The following DNAH2 variants were observed in gnomAD, a reference collection of about 807,000 sequenced individuals.
DNAH2 encodes axonemal beta dynein heavy chain 2.
Under a neutral mutation model 523.5 loss-of-function variants are expected in DNAH2, and 323 were observed. The ratio of observed to expected loss-of-function variants is 0.62; its 90% CI spans 0.56 to 0.68. The LOEUF is 0.68. DNAH2 is among the 30% of genes least tolerant of loss of function. DNAH2 has a pLI of 0.00. For synonymous variants in DNAH2, 2,093 were observed against 2,177.4 expected, an observed-to-expected ratio of 0.96 and a Z score of 1.08; for missense variants, 4,907 against 5,701.5, an observed-to-expected ratio of 0.86 and a Z score of 4.49.
rs367728459 is a variant in DNAH2 at position 7,768,764 on chromosome 17, C to G, written c.3941+497C>G. The stretch of plus-strand genomic sequence containing the variant: ...CTTCTGTGAGTTCAACCTGTTCAGA[C>G]TTTACATATGACATATGAGTGCGAT... On this transcript the variant is annotated intron_variant, in intron 24 of 85. Transcript: ENST00000572933. 3.3e-5 allele frequency among the ~76,000 whole-genome samples: 5 copies of G among 152,322 alleles called. No homozygotes were observed. The East Asian group carries it at 9.6e-4, about 29-fold the overall frequency.
rs775438707 is a variant in DNAH2 at position 7,771,340 on chromosome 17, T to C, written c.4373T>C (p.Leu1458Pro). Residue 1458 changes from leucine to proline, a missense_variant, in exon 28 of 86, where the codon CTA (leucine) becomes CCA (proline). Leu to Pro is a moderately conservative substitution (Grantham distance 98). Coordinates refer to ENST00000572933, the MANE Select transcript of DNAH2 (RefSeq NM_020877.5). ...TTTTGGCCCCCTCAGAATATCTTCC[T>C]AGGAGAAGACATCCGCAAGCAGCTG... ...RQWMYLENIF[L>P]GEDIRKQLPN... 1 of 1,614,112 alleles carries C rather than the reference T, an allele frequency of 6.2e-7. No homozygotes were observed. Among genetic ancestry groups the C allele is most frequent in the Non-Finnish European group, 8.5e-7 (1 of 1,180,020 alleles).
At chr17:7,824,406 C>T (rs2077961105) in intron 76 of DNAH2, 102 bp downstream of exon 76, 2 of 1,437,888 alleles carry the variant, frequency 1.4e-6, no homozygotes, top group Non-Finnish European at 1.8e-6. Flanking sequence ...CCCACTTCTA[C>T]AGAGGGCCCC....
chr17:7,816,717 A>T lies in DNAH2; in HGVS notation c.9876A>T (p.Arg3292Ser). The T allele has an allele frequency of 6.2e-7, 1 of 1,613,898 alleles. No individual in the cohort carries two copies. Among genetic ancestry groups the T allele is most frequent in the Non-Finnish European group, 8.5e-7 (1 of 1,180,020 alleles). The change falls in exon 64 of 86, where the codon AGA becomes AGT. Residue 3292 changes from arginine (R) to serine (S), a missense_variant. Coordinates refer to ENST00000572933, the MANE Select transcript of DNAH2 (RefSeq NM_020877.5). ...CGGGGTTGGCTGGCGAGAAGGCCAG[A>T]TGGGAGGAGACAGTCCAGGTGAGAT... is the stretch of plus-strand genomic sequence containing the variant. ...LVSGLAGEKA[R>S]WEETVQGLEE...
chr17:7,827,548 C>T (rs563684169), intron 77 of DNAH2, among the ~76,000 whole-genome samples: 10 of 152,012 alleles, frequency 6.6e-5, no homozygotes, highest in Non-Finnish European at 1.5e-4. Flanking sequence ...CAGGTTCAAG[C>T]GATTCTCCTG....
Position 7,801,911 on chromosome 17 carries a change from A to G in DNAH2, c.8866A>G (p.Met2956Val), listed in dbSNP as rs781016420. Reference protein sequence around the residue: ...HRKVAQIFVTMHWSVAQYSQK... With the variant: ...HRKVAQIFVTVHWSVAQYSQK... ...GAAGGTGGCCCAGATCTTTGTCACT[A>G]TGCACTGGTCAGTAGCTCAGTATTC... Residue 2956 changes from methionine to valine, a missense_variant, in exon 58 of 86, where the codon ATG becomes GTG. Met to Val is a conservative substitution (Grantham distance 21). This residue lies in a region of DNAH2 where 1,851 missense variants were observed against 2,139.4 expected (regional missense o/e 0.87). Coordinates refer to ENST00000572933, the MANE Select transcript of DNAH2 (RefSeq NM_020877.5). 3.1e-6 allele frequency: 5 copies of G among 1,614,192 alleles called. No homozygotes were observed. Among genetic ancestry groups the G allele is most frequent in the Non-Finnish European group, 4.2e-6 (5 of 1,180,036 alleles).
At chr17:7,826,344 A>G (rs996801472) in intron 77 of DNAH2, among the ~76,000 whole-genome samples, 2 of 152,088 alleles carry the variant, frequency 1.3e-5, no homozygotes, top group African/African-American at 4.8e-5. Context: ...TTTACTTCAA[A>G]TAAGAAAGTC....
At chr17:7,741,327 T>TCCCTCCCTCCCTCCC (rs1567625288) in intron 11 of DNAH2, among the ~76,000 whole-genome samples, 2 of 51,214 alleles carry the variant, frequency 3.9e-5, no homozygotes, top group East Asian at 1.1e-3. Context: ...CCCTCCCTCC[T>TCCCTCCCTCCCTCCC]TCCTTCCTTC....
At chr17:7,799,307 T>C (rs553777765) in intron 56 of DNAH2, 65 bp downstream of exon 56, 56 of 1,584,104 alleles carry the variant, frequency 3.5e-5, no homozygotes, top group Non-Finnish European at 4.6e-5. Flanking sequence ...TGTGGCCTCC[T>C]GTGCCTTCTG....
At chr17:7,781,734 G>A (rs1032230987) in intron 39 of DNAH2, among the ~76,000 whole-genome samples, 1 of 152,184 alleles carries the variant, frequency 6.6e-6, no homozygotes, top group Admixed American at 6.5e-5. Context: ...ATGCAGCAAC[G>A]CTCTGACTTC....
rs531077526 is a variant in DNAH2 at position 7,826,753 on chromosome 17, G to T, written c.11853+2026G>T. On this transcript the variant is annotated intron_variant, in intron 77 of 85. Coordinates refer to ENST00000572933, the MANE Select transcript of DNAH2 (RefSeq NM_020877.5). ...GGAGTTTCACCATGTTGGCCAGGCT[G>T]GTCTTGAACTCCTGACCTCAGGCAA... is the stretch of plus-strand genomic sequence containing the variant. Among the ~76,000 whole-genome samples the T allele has an allele frequency of 8.6e-5, 13 of 151,976 alleles. No individual in the cohort carries two copies. In the East Asian group the frequency reaches 2.3e-3, roughly 27 times the overall value.
In DNAH2 at chr17:7,759,815, A is replaced by G; in HGVS notation, c.2662A>G (p.Thr888Ala). The G allele has an allele frequency of 6.2e-7, 1 of 1,614,152 alleles. No homozygotes were observed. The highest frequency in any genetic ancestry group is 8.5e-7 in the Non-Finnish European group (1 of 1,180,030). Residue 888 changes from threonine to alanine, a missense_variant, in exon 17 of 86, where the codon ACT becomes GCT. By Grantham distance (58) the Thr-to-Ala change is moderately conservative. Around this residue, in one of 3 missense-constraint regions of DNAH2, gnomAD observed 2,806 missense variants for 3,190.8 expected, o/e 0.88. Transcript: ENST00000572933. ...GGTGGAATTCTCACCCACTCTGCAG[A>G]CTTTGGCAGGTGTGGTCAATGACAT... ...AQVEFSPTLQ[T>A]LAGVVNDIGN...
chr17:7,719,842 G>A lies in DNAH2; in HGVS notation c.108G>A (p.Gly36=). The A allele has an allele frequency of 6.2e-7, 1 of 1,606,352 alleles. No individual in the cohort carries two copies. Among genetic ancestry groups the A allele is most frequent in the Non-Finnish European group, 8.5e-7 (1 of 1,176,096 alleles). ...CTGCTGTGGCCACACAGGAGCAGGG[G>A]AATGCCCCGGCTGTCAGTGAGCCAG... ...TRAAVATQEQ[G]NAPAVSEPEL... is the part of the protein sequence containing the mutation. The change falls in exon 2 of 86, where the codon GGG becomes GGA. Residue 36 remains glycine (G), a synonymous_variant. Transcript: ENST00000572933.
intron 4 of DNAH2, among the ~76,000 whole-genome samples, chr17:7,728,750 C>T (rs372644322): frequency 1.5e-4 from 23 of 152,150 alleles, no homozygotes; most frequent in East Asian, 5.8e-4. Flanking sequence ...TTCGGGAGGC[C>T]GAGGCAGGCT....
rs1432268353 is a variant in DNAH2 at position 7,754,567 on chromosome 17, A to T, written c.1905-2524A>T. On this transcript the variant is annotated intron_variant, in intron 12 of 85. Coordinates refer to ENST00000572933, the MANE Select transcript of DNAH2 (RefSeq NM_020877.5). The surrounding 1 kb of genome is among the most constrained non-coding windows in gnomAD (Gnocchi z 4.6). ...GGCCTAAAGAAGATGCACACCAACA[A>T]TGCCAAGGCCATGAGTCCACGTGCC... 2.1e-6 allele frequency: 3 copies of T among 1,458,392 alleles called. No individual in the cohort carries two copies. In the African/African-American group the frequency reaches 4.2e-5, roughly 20 times the overall value. The allele number at this position is 1,458,392 out of a possible 1,614,324, so 90.3% of individuals were successfully genotyped here.
intron 11 of DNAH2, among the ~76,000 whole-genome samples, chr17:7,742,594 GA>G (rs1195346344): frequency 1.3e-5 from 2 of 152,300 alleles, no homozygotes; most frequent in East Asian, 3.9e-4. Flanking sequence ...CCCAGGCTAG[GA>G]AGGGCTGATA....
At chr17:7,737,027 C>G in intron 7 of DNAH2, 40 bp from the exon 8 acceptor site, 1 of 1,546,246 alleles carries the variant, frequency 6.5e-7, no homozygotes, top group Non-Finnish European at 8.9e-7. Flanking sequence ...TCAGTGCTTT[C>G]TAGTGCATAA....
At chr17:7,720,926 G>A (rs1418801592) in intron 2 of DNAH2, among the ~76,000 whole-genome samples, 1 of 151,680 alleles carries the variant, frequency 6.6e-6, no homozygotes, top group Non-Finnish European at 1.5e-5. Context: ...AAGGGAAGGA[G>A]CTTTAAAATG....
At chr17:7,827,916 T>C (rs921880506) in intron 77 of DNAH2, among the ~76,000 whole-genome samples, 8 of 151,226 alleles carry the variant, frequency 5.3e-5, no homozygotes, top group Middle Eastern at 3.4e-3. Flanking sequence ...TATCCTGGAA[T>C]CAATACTTTA....
Position 7,734,452 on chromosome 17 carries a change from T to A in DNAH2, c.740-18T>A. 1 of 1,611,770 alleles carries A rather than the reference T, an allele frequency of 6.2e-7. No individual in the cohort carries two copies. The highest frequency in any genetic ancestry group is 8.5e-7 in the Non-Finnish European group (1 of 1,178,442). On this transcript the variant is annotated intron_variant, in intron 6 of 85. Transcript: ENST00000572933. ...GCAGTGTGAAGAAACGAAGGAGATTTTGTACTCTCCCCTGCAGCCTCCATG... is the reference window on the plus strand; with the variant it reads ...GCAGTGTGAAGAAACGAAGGAGATTATGTACTCTCCCCTGCAGCCTCCATG...
Sources: gnomAD v4.1 joint callset for allele counts (sites outside exome capture counted in the v4.1 genomes callset) on GRCh38, gnomAD v4.1.1 for gene constraint, gnomAD v4.1.1 regional missense constraint, Gnocchi (gnomAD v3.1) non-coding constraint, MANE v1.5 for transcripts, NCBI Gene and HGNC (gene_info 2026-07-23, HGNC 2026-07-21) for gene names.